SORCS2: variants seen among roughly 807,000 people sequenced by gnomAD.
SORCS2 encodes sortilin related VPS10 domain containing receptor 2.
SORCS2 carries 100 observed loss-of-function variants against 141.6 expected under a neutral mutation model. The ratio of observed to expected loss-of-function variants is 0.71; its 90% CI spans 0.60 to 0.83. The LOEUF (loss-of-function observed/expected upper bound fraction) is 0.83, where lower values mean the gene tolerates loss of function less well. Among genes scored for constraint, SORCS2 ranks in the 40% least tolerant of loss-of-function variants. The probability of loss-of-function intolerance (pLI) is 0.00; values close to 1 mark genes in which losing one functional copy is unlikely to be tolerated. For missense variants in SORCS2, 1,646 were observed against 1,560.2 expected, an observed-to-expected ratio of 1.05 and a Z score of -0.93; for synonymous variants, 789 against 676.9, an observed-to-expected ratio of 1.17 and a Z score of -2.57.
At chr4:7,620,996 G>A (rs1384267876) in intron 3 of SORCS2, among the ~76,000 whole-genome samples, 1 of 152,092 alleles carries the variant, frequency 6.6e-6, no homozygotes, top group East Asian at 1.9e-4. Context: ...GGCCCAGGGA[G>A]GCAGTGGCTG....
chr4:7,530,276 ACAGT>A (rs1167564812), intron 2 of SORCS2, among the ~76,000 whole-genome samples: 5 of 152,216 alleles, frequency 3.3e-5, no homozygotes, highest in African/African-American at 1.2e-4. Context: ...CACTGGCCCC[ACAGT>A]CAGGCCACAC....
chr4:7,350,964 G>A (rs910286098), intron 1 of SORCS2, among the ~76,000 whole-genome samples: 8 of 152,152 alleles, frequency 5.3e-5, no homozygotes, highest in South Asian at 2.1e-4. Context: ...GAAGGAATGC[G>A]CTCCCTGGGG....
chr4:7,586,744 G>T (rs1440938358), intron 3 of SORCS2, among the ~76,000 whole-genome samples: 2 of 152,130 alleles, frequency 1.3e-5, no homozygotes, highest in African/African-American at 4.8e-5. Flanking sequence ...ATGGGCATTT[G>T]GTTTGATTCC....
chr4:7,403,983 ATATATATATATATATTTTTT>A (rs1165010103), intron 2 of SORCS2, among the ~76,000 whole-genome samples: 2 of 20,226 alleles, frequency 9.9e-5, no homozygotes, highest in African/African-American at 3.6e-4. Flanking sequence ...ATATATATAT[ATATATATATATATATTTTTT>A]TTTTTTTTTT....
chr4:7,644,582 A>G (rs541985696), intron 4 of SORCS2, among the ~76,000 whole-genome samples: 2 of 152,292 alleles, frequency 1.3e-5, no homozygotes, highest in Admixed American at 1.3e-4. Context: ...GGCACCCTGG[A>G]GTGAGGGATG....
intron 1 of SORCS2, among the ~76,000 whole-genome samples, chr4:7,375,501 C>T (rs1722582206): frequency 6.6e-6 from 1 of 152,212 alleles, no homozygotes; most frequent in East Asian, 1.9e-4. Context: ...CTGGGCCCAG[C>T]CAGTGAGAAG....
intron 5 of SORCS2, among the ~76,000 whole-genome samples, chr4:7,660,203 C>A (rs1722063308): frequency 6.6e-6 from 1 of 152,230 alleles, no homozygotes; most frequent in Non-Finnish European, 1.5e-5. Flanking sequence ...CCTCCCTCTC[C>A]TCCTGCCCAG....
At chr4:7,728,201 G>A in intron 21 of SORCS2, 149 bp from the exon 22 acceptor site, 1 of 592,040 alleles carries the variant, frequency 1.7e-6, no homozygotes, top group Non-Finnish European at 3.0e-6. Flanking sequence ...GCCTGCTTGA[G>A]AAGACGATGG....
intron 24 of SORCS2, among the ~76,000 whole-genome samples, chr4:7,733,997 G>A (rs2148898669): frequency 6.6e-6 from 1 of 152,030 alleles, no homozygotes. Context: ...GCTGTGGCAG[G>A]GACAGGCAGG....
chr4:7,655,006 A>G (rs1170033895), intron 5 of SORCS2, among the ~76,000 whole-genome samples: 3 of 152,144 alleles, frequency 2.0e-5, no homozygotes, highest in Non-Finnish European at 4.4e-5. Context: ...GGATGCATCT[A>G]TGAGGGCTGT....
chr4:7,258,177 C>T (rs1029140517), intron 1 of SORCS2, among the ~76,000 whole-genome samples: 1 of 152,098 alleles, frequency 6.6e-6, no homozygotes, highest in Non-Finnish European at 1.5e-5. Flanking sequence ...ACTTTAAGTT[C>T]TGGGGCATAT....
intron 1 of SORCS2, among the ~76,000 whole-genome samples, chr4:7,378,460 C>A (rs1722789495): frequency 6.6e-6 from 1 of 152,184 alleles, no homozygotes; most frequent in African/African-American, 2.4e-5. Context: ...ACACGTCCTT[C>A]TTCACATGGC....
At position 7,377,748 on chromosome 4, in the gene SORCS2, G is replaced by A. The variant is rs181575286; in HGVS notation, c.481-18540G>A. Among the ~76,000 whole-genome samples the A allele has an allele frequency of 7.5e-3, 1,140 of 152,274 alleles. 8 individuals are homozygous for A. Among genetic ancestry groups the A allele is most frequent in the Admixed American group, 0.01 (158 of 15,292 alleles). On this transcript the variant is annotated intron_variant, in intron 1 of 26. Coordinates refer to ENST00000507866, the MANE Select transcript of SORCS2 (RefSeq NM_020777.3). ...CAATCAGCTCAGGAAGTTTACATGGGGAGCCTGATTTGACAGGTCTGTTTT... is the reference window on the plus strand; with the variant it reads ...CAATCAGCTCAGGAAGTTTACATGGAGAGCCTGATTTGACAGGTCTGTTTT...
intron 4 of SORCS2, 48 bp downstream of exon 4, chr4:7,638,540 C>T: frequency 6.4e-7 from 1 of 1,560,114 alleles, no homozygotes; most frequent in South Asian, 1.2e-5. Context: ...CTGGGGTCTG[C>T]TCGACCCACC....
chr4:7,450,670 T>C (rs1728375730), intron 2 of SORCS2, among the ~76,000 whole-genome samples: 1 of 152,210 alleles, frequency 6.6e-6, no homozygotes, highest in African/African-American at 2.4e-5. Context: ...ACATGGGACA[T>C]GTACATCCGC....
At chr4:7,299,233 G>A (rs1394673692) in intron 1 of SORCS2, among the ~76,000 whole-genome samples, 1 of 152,266 alleles carries the variant, frequency 6.6e-6, no homozygotes, top group Non-Finnish European at 1.5e-5. Context: ...GGTGGGGGCC[G>A]AGGCTGTGAG....
chr4:7,736,742 G>C (rs1712211458), intron 25 of SORCS2, among the ~76,000 whole-genome samples: 1 of 152,076 alleles, frequency 6.6e-6, no homozygotes, highest in Non-Finnish European at 1.5e-5. Context: ...GGGGGTCGGG[G>C]GAAAGAGGAT....
intron 1 of SORCS2, among the ~76,000 whole-genome samples, chr4:7,246,838 C>T (rs967924921): frequency 7.2e-5 from 11 of 152,202 alleles, no homozygotes; most frequent in African/African-American, 2.2e-4. Flanking sequence ...ACTCTTTCGC[C>T]GTGACTCGGC....
intron 1 of SORCS2, among the ~76,000 whole-genome samples, chr4:7,316,736 G>C (rs1479666949): frequency 6.6e-6 from 1 of 152,190 alleles, no homozygotes; most frequent in Non-Finnish European, 1.5e-5. Flanking sequence ...CTGGAAGGCT[G>C]AGTTCTTGTA....
Sources: allele counts gnomAD v4.1 joint callset (sites outside exome capture counted in the v4.1 genomes callset), GRCh38; gene constraint gnomAD v4.1.1; transcripts MANE v1.5; gene names NCBI Gene and HGNC (gene_info 2026-07-23, HGNC 2026-07-21).